Variants in HNRNPA2B1 observed in about 807,000 individuals in gnomAD.
The protein encoded by HNRNPA2B1 is heterogeneous nuclear ribonucleoprotein A2/B1.
A neutral mutation model predicts 46.3 loss-of-function variants in HNRNPA2B1; 3 were observed. The ratio of observed to expected loss-of-function variants is 0.06; its 90% CI spans 0.03 to 0.17. HNRNPA2B1 has a LOEUF of 0.17. HNRNPA2B1 is among the 10% of genes least tolerant of loss of function. The probability of loss-of-function intolerance (pLI) is 1.00; values close to 1 mark genes in which losing one functional copy is unlikely to be tolerated. For synonymous variants in HNRNPA2B1, 225 were observed against 133.8 expected (o/e 1.68, Z -4.70); for missense variants, 221 against 418.9 (o/e 0.53, Z 4.12).
At position 26,189,968 on chromosome 7, in the gene HNRNPA2B1, A is replaced by G. The variant is rs954172972; in HGVS notation, c.*2392T>C. 1.1e-4 allele frequency: 16 copies of G among 152,216 alleles called. No homozygotes were observed. The highest frequency in any genetic ancestry group is 3.6e-4 in the African/African-American group (15 of 41,454). 9.4% of individuals were successfully genotyped at this position (152,216 alleles called of 1,614,324 possible). On this transcript the variant is annotated 3_prime_UTR_variant, in exon 11 of 11. Transcript: ENST00000618183. Reference sequence around the variant, plus strand: ...CAGCATTTTATTGGGGACAGCCAATAATGTCCACAATGCTCTTCTCATTTA... The same window carrying G: ...CAGCATTTTATTGGGGACAGCCAATGATGTCCACAATGCTCTTCTCATTTA...
At position 26,192,674 on chromosome 7, in the gene HNRNPA2B1, T is replaced by C. The variant is rs993795558; in HGVS notation, c.965-97A>G. 7 of 1,006,928 alleles carry C rather than the reference T, an allele frequency of 7.0e-6. No individual in the cohort carries two copies. The African/African-American group carries it at 8.0e-5, about 11-fold the overall frequency. 62.4% of individuals were successfully genotyped at this position (1,006,928 alleles called of 1,614,324 possible). A position where few individuals can be genotyped will look rare whatever the true frequency, so the allele number is the denominator to read the frequency against. On this transcript the variant is annotated intron_variant, in intron 9 of 10. Transcript: ENST00000618183. ...GATTCTATTTTATATCCATCCAGTC[T>C]TTTAAACAAGCAGATCCTAATCCTT...
chr7:26,198,269 A>T (rs1377972614), intron 1 of HNRNPA2B1: 1 of 156,296 alleles, frequency 6.4e-6, no homozygotes, highest in Non-Finnish European at 1.4e-5. Context: ...GATTCTAAGT[A>T]TCTCAGCCAA....
intron 6 of HNRNPA2B1, 104 bp from the exon 7 acceptor site, chr7:26,196,013 C>G (rs1412608245): frequency 1.4e-6 from 2 of 1,428,634 alleles, no homozygotes; most frequent in East Asian, 2.5e-5. Flanking sequence ...AATTAAGAAC[C>G]GCAGAAAAGG....
At chr7:26,193,011 CA>C (rs1200464027) in intron 9 of HNRNPA2B1, among the ~76,000 whole-genome samples, 4 of 152,110 alleles carry the variant, frequency 2.6e-5, no homozygotes, top group African/African-American at 9.7e-5. Flanking sequence ...TATGAGTCCC[CA>C]CCAGAAATTA....
In HNRNPA2B1 at chr7:26,190,175, T is replaced by C. The variant is rs939385230; in HGVS notation, c.*2185A>G. The C allele has an allele frequency of 8.5e-5, 13 of 152,652 alleles. No homozygotes were observed. The highest frequency in any genetic ancestry group is 3.1e-4 in the African/African-American group (13 of 41,470). The allele number at this position is 152,652 out of a possible 1,614,324, so 9.5% of individuals were successfully genotyped here. ...ATAAACTTTATATTTAAAATAGAAT[T>C]GTAATCTGTCTACTCACAAAACCTA... On this transcript the variant is annotated 3_prime_UTR_variant, in exon 11 of 11. Transcript: ENST00000618183.
At position 26,200,475 on chromosome 7, in the gene HNRNPA2B1, T is replaced by C. The variant is rs553141622; in HGVS notation, c.6+97A>G. ...CTGCTACTGAATTGGTCCGATTTCC[T>C]GCCTCTCTCCCACGGAGGCGGCTGG... On this transcript the variant is annotated intron_variant, in intron 1 of 10. Transcript: ENST00000618183. 1.8e-5 allele frequency: 22 copies of C among 1,247,054 alleles called. No individual in the cohort carries two copies. The Admixed American group carries it at 2.7e-4, about 15-fold the overall frequency. The allele number at this position is 1,247,054 out of a possible 1,614,324, so 77.2% of individuals were successfully genotyped here. A position where few individuals can be genotyped will look rare whatever the true frequency, so the allele number is the denominator to read the frequency against.
In HNRNPA2B1 at chr7:26,190,063, A is replaced by G. The variant is rs948478744; in HGVS notation, c.*2297T>C. The G allele has an allele frequency of 1.3e-5, 2 of 152,628 alleles. No individual in the cohort carries two copies. Among genetic ancestry groups the G allele is most frequent in the African/African-American group, 4.8e-5 (2 of 41,470 alleles). 9.5% of individuals were successfully genotyped at this position (152,628 alleles called of 1,614,324 possible). ...AAAATTTAGGGGATGGTGATCTTTT[A>G]GACAACCAAATATTTATAGAACAAG... On this transcript the variant is annotated 3_prime_UTR_variant, in exon 11 of 11. Transcript: ENST00000618183.
chr7:26,195,999 CAAT>C (rs989430445), intron 6 of HNRNPA2B1, 90 bp from the exon 7 acceptor site: 69 of 1,483,986 alleles, frequency 4.6e-5, no homozygotes, highest in Non-Finnish European at 6.2e-5. Flanking sequence ...TACCTCAGCA[CAAT>C]AATTAAGAAC....
At position 26,192,081 on chromosome 7, in the gene HNRNPA2B1, G is replaced by T. The variant is rs11557708; in HGVS notation, c.*279C>A. The stretch of plus-strand genomic sequence containing the variant: ...ACACTCTTACAAAGACCACTAGAAA[G>T]AAACAACAATTAAAAAGCTAAGAAA... On this transcript the variant is annotated 3_prime_UTR_variant, in exon 11 of 11. Coordinates refer to ENST00000618183, the MANE Select transcript of HNRNPA2B1 (RefSeq NM_002137.4). 1 of 155,896 alleles carries T rather than the reference G, an allele frequency of 6.4e-6. No individual in the cohort carries two copies. Among genetic ancestry groups the T allele is most frequent in the Non-Finnish European group, 1.4e-5 (1 of 70,140 alleles). The allele number at this position is 155,896 out of a possible 1,614,324, so 9.7% of individuals were successfully genotyped here.
At chr7:26,192,638 A>C (rs541756740) in intron 9 of HNRNPA2B1, 61 bp from the exon 10 acceptor site, 615 of 1,317,466 alleles carry the variant, frequency 4.7e-4, no homozygotes, top group Non-Finnish European at 5.9e-4. Context: ...GATCAGCCTA[A>C]CACTACAGTT....
rs145309516 is a variant in HNRNPA2B1 at position 26,198,054 on chromosome 7, TAAAC to T, written c.7-326_7-323del. The T allele has an allele frequency of 5.0e-3, 2,168 of 435,338 alleles. 13 individuals are homozygous for T. Among genetic ancestry groups the T allele is most frequent in the South Asian group, 0.023 (400 of 17,508 alleles). The allele number at this position is 435,338 out of a possible 1,614,324, so 27.0% of individuals were successfully genotyped here. A position where few individuals can be genotyped will look rare whatever the true frequency, so the allele number is the denominator to read the frequency against. ...AAAAAAAAAACTTTCTAAGGAAAAA[TAAAC>T]AAATGTAGACCGTGATTATCAAAGG... is the stretch of plus-strand genomic sequence containing the variant. On this transcript the variant is annotated intron_variant, in intron 1 of 10. Coordinates refer to ENST00000618183, the MANE Select transcript of HNRNPA2B1 (RefSeq NM_002137.4).
rs1055578106 is a variant in HNRNPA2B1, at chr7:26,190,176, G to A, written c.*2184C>T. 7 of 152,646 alleles carry A rather than the reference G, an allele frequency of 4.6e-5. No homozygotes were observed. The South Asian group carries it at 6.2e-4, about 14-fold the overall frequency. 9.5% of individuals were successfully genotyped at this position (152,646 alleles called of 1,614,324 possible). A position where few individuals can be genotyped will look rare whatever the true frequency, so the allele number is the denominator to read the frequency against. On this transcript the variant is annotated 3_prime_UTR_variant, in exon 11 of 11. Transcript: ENST00000618183. ...TAAACTTTATATTTAAAATAGAATT[G>A]TAATCTGTCTACTCACAAAACCTAA...
intron 7 of HNRNPA2B1, among the ~76,000 whole-genome samples, chr7:26,194,050 G>C (rs1783213787): frequency 6.6e-6 from 1 of 152,074 alleles, no homozygotes; most frequent in Non-Finnish European, 1.5e-5. Context: ...TCCTCCTACT[G>C]GCCCAAAAGA....
At chr7:26,200,397 G>C in intron 1 of HNRNPA2B1, 175 bp downstream of exon 1, 2 of 714,802 alleles carry the variant, frequency 2.8e-6, no homozygotes, top group Admixed American at 2.0e-5. Flanking sequence ...TGGGGAAGCT[G>C]TTTGTACGCT....
At chr7:26,200,405 G>A (rs1275424597) in intron 1 of HNRNPA2B1, 167 bp downstream of exon 1, 2 of 739,098 alleles carry the variant, frequency 2.7e-6, no homozygotes, top group African/African-American at 1.7e-5. Flanking sequence ...CTGTTTGTAC[G>A]CTCAGGCCTC....
chr7:26,192,707 A>C (rs1009023894), intron 9 of HNRNPA2B1, 130 bp from the exon 10 acceptor site: 1 of 746,556 alleles, frequency 1.3e-6, no homozygotes. Context: ...CTTTGCAGCC[A>C]GTTAGCAGAA....
chr7:26,194,317 AC>A (rs1783254933), intron 7 of HNRNPA2B1, among the ~76,000 whole-genome samples: 1 of 151,870 alleles, frequency 6.6e-6, no homozygotes. Context: ...AATGGCGTGA[AC>A]CCGGGAGGCA....
chr7:26,197,155 T>G (rs879738190), intron 3 of HNRNPA2B1, 138 bp from the exon 4 acceptor site: 41 of 1,148,784 alleles, frequency 3.6e-5, no homozygotes, highest in Non-Finnish European at 4.1e-5. Context: ...GGGACCTAGC[T>G]TTTGAAAAAT....
At chr7:26,195,546 T>C (rs1783479035) in intron 7 of HNRNPA2B1, among the ~76,000 whole-genome samples, 1 of 152,220 alleles carries the variant, frequency 6.6e-6, no homozygotes, top group African/African-American at 2.4e-5. Context: ...TTAAATCCAG[T>C]ATTCTGTACT....
Sources: allele counts gnomAD v4.1 joint callset (sites outside exome capture counted in the v4.1 genomes callset), GRCh38; gene constraint gnomAD v4.1.1; transcripts MANE v1.5; gene names NCBI Gene and HGNC (gene_info 2026-07-23, HGNC 2026-07-21).